The following WDR70 variants were observed in gnomAD, a reference collection of about 807,000 sequenced individuals.
WDR70 encodes the protein WD repeat domain 70.
WDR70 carries 53 observed loss-of-function variants against 88.6 expected under a neutral mutation model. The ratio of observed to expected loss-of-function variants is 0.60; its 90% CI spans 0.48 to 0.75. The LOEUF is 0.75. Among genes scored for constraint, WDR70 ranks in the 30% least tolerant of loss-of-function variants. The pLI, the probability that WDR70 is intolerant of heterozygous loss-of-function variation, is 0.00. For synonymous variants in WDR70, 280 were observed against 270.0 expected (o/e 1.04, Z -0.36); for missense variants, 610 against 823.2 (o/e 0.74, Z 3.17).
intron 8 of WDR70, among the ~76,000 whole-genome samples, chr5:37,505,155 AT>A (rs1294338207): frequency 1.3e-5 from 2 of 152,044 alleles, no homozygotes; most frequent in Non-Finnish European, 2.9e-5. Context: ...AATATATTAC[AT>A]TGTCTTTTAT....
intron 10 of WDR70, among the ~76,000 whole-genome samples, chr5:37,635,673 A>G (rs1408357032): frequency 6.6e-6 from 1 of 152,186 alleles, no homozygotes; most frequent in Non-Finnish European, 1.5e-5. Flanking sequence ...GAAATGGTTC[A>G]TTTGTGTAGT....
chr5:37,443,550 GT>G (rs1195815679), intron 7 of WDR70, among the ~76,000 whole-genome samples, 178 bp downstream of exon 7: 1 of 152,132 alleles, frequency 6.6e-6, no homozygotes, highest in Non-Finnish European at 1.5e-5. Context: ...CATTTCTTTT[GT>G]TTCATAAACT....
intron 5 of WDR70, among the ~76,000 whole-genome samples, chr5:37,404,961 A>T (rs1749308475): frequency 6.6e-6 from 1 of 152,154 alleles, no homozygotes; most frequent in African/African-American, 2.4e-5. Context: ...GGTGTGTGGT[A>T]TGGTGAGATG....
At chr5:37,442,904 A>G (rs909300813) in intron 6 of WDR70, among the ~76,000 whole-genome samples, 1 of 152,202 alleles carries the variant, frequency 6.6e-6, no homozygotes, top group Non-Finnish European at 1.5e-5. Flanking sequence ...TATTGTAATT[A>G]TTTGTAAGAT....
chr5:37,644,345 A>G (rs1745179869), intron 10 of WDR70, among the ~76,000 whole-genome samples: 1 of 152,030 alleles, frequency 6.6e-6, no homozygotes, highest in South Asian at 2.1e-4. Flanking sequence ...CTTGGTCTTG[A>G]TGAATGATCT....
intron 10 of WDR70, among the ~76,000 whole-genome samples, chr5:37,652,551 A>G (rs1745438607): frequency 3.3e-5 from 5 of 152,170 alleles, no homozygotes; most frequent in Admixed American, 3.3e-4. Flanking sequence ...TTTTCACGAC[A>G]TTGATTCTTC....
chr5:37,684,859 G>C (rs1746534457), intron 10 of WDR70, among the ~76,000 whole-genome samples: 1 of 152,236 alleles, frequency 6.6e-6, no homozygotes, highest in Admixed American at 6.5e-5. Context: ...TGCAGTGCTA[G>C]CAGGTACTGG....
chr5:37,727,021 A>G lies in WDR70; in HGVS notation c.1853A>G (p.Tyr618Cys). 5 of 1,609,664 alleles carry G rather than the reference A, an allele frequency of 3.1e-6. No individual in the cohort carries two copies. The highest frequency in any genetic ancestry group is 4.2e-6 in the Non-Finnish European group (5 of 1,178,374). ...RHAKAAEDSP[Y>C]WVSPAYSKTQ... ...GCCAAAGCAGCAGAAGACAGCCCAT[A>G]TTGGGTTTCTCCAGCATATTCCAAG... Residue 618 changes from tyrosine (Y) to cysteine (C), a missense_variant, in exon 17 of 18, where the codon TAT becomes TGT. Around this residue, in one of 4 missense-constraint regions of WDR70, gnomAD observed 70 missense variants for 139.2 expected, o/e 0.50. Coordinates refer to ENST00000265107, the MANE Select transcript of WDR70 (RefSeq NM_018034.4).
rs572192095 is a variant in WDR70 at position 37,586,791 on chromosome 5, G to A, written c.918-18273G>A. Reference sequence around the variant, plus strand: ...CTCAGTGTTTGTTCCATGAGGGTCTGCCTTTTGCAGTCCCCATGGTTTCAT... The same window carrying A: ...CTCAGTGTTTGTTCCATGAGGGTCTACCTTTTGCAGTCCCCATGGTTTCAT... On this transcript the variant is annotated intron_variant, in intron 9 of 17. Coordinates refer to ENST00000265107, the MANE Select transcript of WDR70 (RefSeq NM_018034.4). Among the ~76,000 whole-genome samples, 241 of 152,166 alleles carry A rather than the reference G, an allele frequency of 1.6e-3. 1 individual carries two copies. The highest frequency in any genetic ancestry group is 5.6e-3 in the African/African-American group (232 of 41,504).
rs537130679 is a variant in WDR70, at chr5:37,446,377, T to G, written c.686+3005T>G. Among the ~76,000 whole-genome samples the G allele has an allele frequency of 8.8e-3, 1,335 of 152,292 alleles. 24 individuals are homozygous for G. Among genetic ancestry groups the G allele is most frequent in the African/African-American group, 0.03 (1,265 of 41,556 alleles). On this transcript the variant is annotated intron_variant, in intron 7 of 17. Transcript: ENST00000265107. ...TGGCCATACTGCCCAAGGTAATTTA[T>G]AGATTCAATGCCATCCCCATCAAGC...
chr5:37,423,754 T>C (rs1750026119), intron 5 of WDR70, among the ~76,000 whole-genome samples: 1 of 150,138 alleles, frequency 6.7e-6, no homozygotes, highest in African/African-American at 2.4e-5. Context: ...TTAGTAGAGA[T>C]GGGGTTTCAC....
chr5:37,461,845 C>G (rs1046320794), intron 7 of WDR70, among the ~76,000 whole-genome samples: 3 of 152,076 alleles, frequency 2.0e-5, no homozygotes, highest in African/African-American at 4.8e-5. Flanking sequence ...TTTATTAACC[C>G]TATATTGTCT....
At chr5:37,505,971 T>G in intron 8 of WDR70, 6 of 1,585,324 alleles carry the variant, frequency 3.8e-6, no homozygotes, top group Non-Finnish European at 5.2e-6. Flanking sequence ...AGAAAGATCC[T>G]CAAAATTACA....
intron 10 of WDR70, among the ~76,000 whole-genome samples, chr5:37,679,444 C>G (rs1020069148): frequency 6.6e-6 from 1 of 151,976 alleles, no homozygotes; most frequent in South Asian, 2.1e-4. Flanking sequence ...AGTTTTCCTT[C>G]TAACAGACAG....
intron 13 of WDR70, among the ~76,000 whole-genome samples, chr5:37,719,854 T>C (rs1407754975): frequency 6.6e-6 from 1 of 151,522 alleles, no homozygotes. Context: ...CTTTTTTTTT[T>C]TTTTAAGAGA....
At chr5:37,384,702 C>G (rs1431750247) in intron 3 of WDR70, among the ~76,000 whole-genome samples, 1 of 148,960 alleles carries the variant, frequency 6.7e-6, no homozygotes, top group Non-Finnish European at 1.5e-5. Context: ...ACCATGTTGT[C>G]CAGGCCAGTC....
chr5:37,380,902 C>A (rs973759178), intron 2 of WDR70, among the ~76,000 whole-genome samples: 9 of 152,158 alleles, frequency 5.9e-5, no homozygotes, highest in Non-Finnish European at 1.2e-4. Flanking sequence ...CCACCTGAGC[C>A]TCTCAAAGTG....
At chr5:37,697,846 C>A in intron 11 of WDR70, 92 bp downstream of exon 11, 1 of 1,088,556 alleles carries the variant, frequency 9.2e-7, no homozygotes, top group Non-Finnish European at 1.3e-6. Flanking sequence ...CTTAGTAAAG[C>A]TTGCTTTGAT....
At chr5:37,399,014 C>G (rs1453088876) in intron 5 of WDR70, among the ~76,000 whole-genome samples, 2 of 152,186 alleles carry the variant, frequency 1.3e-5, no homozygotes, top group African/African-American at 2.4e-5. Context: ...CGTAGTGGCT[C>G]ACGCCTGTAA....
Sources: gnomAD v4.1 joint callset for allele counts (sites outside exome capture counted in the v4.1 genomes callset) on GRCh38, gnomAD v4.1.1 for gene constraint, gnomAD v4.1.1 regional missense constraint, MANE v1.5 for transcripts, NCBI Gene and HGNC (gene_info 2026-07-23, HGNC 2026-07-21) for gene names.